WWC1: variants seen among roughly 807,000 people sequenced by gnomAD.
WWC1 encodes the protein protein KIBRA.
WWC1 carries 55 observed loss-of-function variants against 138.4 expected under a neutral mutation model. The observed-to-expected ratio is 0.40, with a 90% confidence interval of 0.32 to 0.50. The LOEUF (loss-of-function observed/expected upper bound fraction) is 0.50. Ranked by LOEUF, WWC1 falls within the 20% of genes least tolerant of loss-of-function variation. The probability of loss-of-function intolerance (pLI) is 0.72; values close to 1 mark genes in which losing one functional copy is unlikely to be tolerated. For missense variants in WWC1, 1,226 were observed against 1,420.4 expected, an observed-to-expected ratio of 0.86 and a Z score of 2.20; for synonymous variants, 524 against 564.9, an observed-to-expected ratio of 0.93 and a Z score of 1.03.
chr5:168,305,420 C>A (rs937849445), intron 1 of WWC1, among the ~76,000 whole-genome samples: 1 of 152,198 alleles, frequency 6.6e-6, no homozygotes, highest in Non-Finnish European at 1.5e-5. Context: ...CCCCACCTCC[C>A]CAGCCCAGGC....
chr5:168,335,617 A>G (rs1368698154), intron 1 of WWC1, among the ~76,000 whole-genome samples: 2 of 152,240 alleles, frequency 1.3e-5, no homozygotes, highest in Admixed American at 6.5e-5. Context: ...TGATCTGCCT[A>G]TAGTCACACA....
chr5:168,402,034 C>T (rs1779345813), intron 5 of WWC1, among the ~76,000 whole-genome samples: 1 of 152,230 alleles, frequency 6.6e-6, no homozygotes, highest in African/African-American at 2.4e-5. Flanking sequence ...GGTTAGAACA[C>T]TTCCCATTAT....
intron 5 of WWC1, among the ~76,000 whole-genome samples, chr5:168,403,674 C>T (rs1177292409): frequency 2.6e-5 from 4 of 152,026 alleles, no homozygotes; most frequent in Non-Finnish European, 4.4e-5. Context: ...GCATCTCGCC[C>T]CTGTCGGGGG....
intron 5 of WWC1, among the ~76,000 whole-genome samples, chr5:168,401,508 G>C (rs886207210): frequency 7.2e-5 from 11 of 152,132 alleles, no homozygotes; most frequent in African/African-American, 2.2e-4. Context: ...ATTAGTTGAG[G>C]GAACTGTGGT....
chr5:168,342,439 C>G (rs982768471), intron 1 of WWC1, among the ~76,000 whole-genome samples: 1 of 152,110 alleles, frequency 6.6e-6, no homozygotes, highest in African/African-American at 2.4e-5. Context: ...TATGCACATT[C>G]CCTGCCTCCT....
intron 17 of WWC1, among the ~76,000 whole-genome samples, chr5:168,447,838 CCT>C (rs1260377970): frequency 6.6e-6 from 1 of 151,546 alleles, no homozygotes; most frequent in Non-Finnish European, 1.5e-5. Flanking sequence ...TGGCCATCTC[CCT>C]CTCTCTTTCC....
intron 17 of WWC1, among the ~76,000 whole-genome samples, chr5:168,447,666 T>C (rs1248234862): frequency 6.6e-6 from 1 of 152,180 alleles, no homozygotes; most frequent in African/African-American, 2.4e-5. Flanking sequence ...TCTTCTCTCT[T>C]ACTATTTTTT....
intron 8 of WWC1, among the ~76,000 whole-genome samples, chr5:168,412,297 A>G (rs1780288108): frequency 6.6e-6 from 1 of 152,206 alleles, no homozygotes; most frequent in South Asian, 2.1e-4. Flanking sequence ...TCAATGGGAA[A>G]GCAAGCTTCA....
At chr5:168,362,810 G>C (rs1393060434) in intron 1 of WWC1, among the ~76,000 whole-genome samples, 1 of 152,204 alleles carries the variant, frequency 6.6e-6, no homozygotes, top group Non-Finnish European at 1.5e-5. Flanking sequence ...CACCAACCCA[G>C]CAGGGCAGAG....
intron 1 of WWC1, among the ~76,000 whole-genome samples, chr5:168,322,039 G>C (rs1247666187): frequency 6.6e-6 from 1 of 152,130 alleles, no homozygotes; most frequent in Non-Finnish European, 1.5e-5. Context: ...AGATCTGCGA[G>C]GTCAAAGCTT....
intron 20 of WWC1, among the ~76,000 whole-genome samples, chr5:168,464,270 A>G (rs1457340699): frequency 6.6e-6 from 1 of 152,228 alleles, no homozygotes; most frequent in Non-Finnish European, 1.5e-5. Context: ...GTATTGGGGA[A>G]ACAACTTCAG....
intron 18 of WWC1, among the ~76,000 whole-genome samples, chr5:168,454,733 C>A (rs911657620): frequency 2.0e-5 from 3 of 152,218 alleles, no homozygotes; most frequent in African/African-American, 7.2e-5. Context: ...CTAACTCCTC[C>A]ACACCAAGGG....
intron 2 of WWC1, among the ~76,000 whole-genome samples, chr5:168,375,865 A>G (rs956179360): frequency 2.0e-5 from 3 of 151,726 alleles, no homozygotes; most frequent in African/African-American, 7.3e-5. Context: ...GTGAGCCACC[A>G]TGCCCAGCCT....
intron 1 of WWC1, among the ~76,000 whole-genome samples, chr5:168,327,446 T>C (rs1017484245): frequency 2.0e-5 from 3 of 152,260 alleles, no homozygotes; most frequent in Admixed American, 1.3e-4. Flanking sequence ...TCCTTAGCTC[T>C]TCGTTGAAAC....
intron 15 of WWC1, among the ~76,000 whole-genome samples, chr5:168,441,004 C>T (rs111637661): frequency 3.3e-5 from 5 of 152,170 alleles, no homozygotes; most frequent in African/African-American, 9.6e-5. Context: ...CCCAGGAGTT[C>T]GAGATTACAG....
intron 1 of WWC1, among the ~76,000 whole-genome samples, chr5:168,369,780 T>C (rs1047863614): frequency 6.6e-6 from 1 of 152,184 alleles, no homozygotes; most frequent in Non-Finnish European, 1.5e-5. Flanking sequence ...AGCATCCCTT[T>C]CTTCATGTAT....
chr5:168,362,053 AGC>A, intron 1 of WWC1, among the ~76,000 whole-genome samples: 2 of 152,334 alleles, frequency 1.3e-5, no homozygotes. Context: ...AATGCTCTCC[AGC>A]CTGGGCAACA....
chr5:168,321,766 A>G (rs1042573579), intron 1 of WWC1, among the ~76,000 whole-genome samples: 29 of 151,972 alleles, frequency 1.9e-4, no homozygotes, highest in African/African-American at 6.3e-4. Flanking sequence ...CAAACTCCCG[A>G]CCTCAGGTGA....
chr5:168,314,200 C>G lies in WWC1; in HGVS notation c.119+21929C>G, dbSNP rs930032280. 4.8e-5 allele frequency among the ~76,000 whole-genome samples: 7 copies of G among 146,484 alleles called. No individual in the cohort carries two copies. In the Admixed American group the frequency reaches 4.9e-4, roughly 10 times the overall value. On this transcript the variant is annotated intron_variant, in intron 1 of 22. Transcript: ENST00000265293. ...GAGGGAAGAAAAGGACAAGGAGGAA[C>G]TGGAGTCTACAATAAGTTTCCCAGG...
Sources: gnomAD v4.1 joint callset for allele counts (sites outside exome capture counted in the v4.1 genomes callset) on GRCh38, gnomAD v4.1.1 for gene constraint, MANE v1.5 for transcripts, NCBI Gene and HGNC (gene_info 2026-07-23, HGNC 2026-07-21) for gene names.